Variants in MAGI2 observed in about 807,000 individuals in gnomAD.
MAGI2 encodes the protein membrane associated guanylate kinase, WW and PDZ domain containing 2.
In MAGI2, 35 loss-of-function variants were observed where a neutral mutation model predicts 133.3. That is an observed-to-expected ratio of 0.26 (90% CI 0.20 to 0.35). The LOEUF is 0.35. Among genes scored for constraint, MAGI2 ranks in the 10% least tolerant of loss-of-function variants. MAGI2 has a pLI of 1.00. For synonymous variants in MAGI2, 729 were observed against 710.6 expected (o/e 1.03, Z -0.41); for missense variants, 1,636 against 1,863.4 (o/e 0.88, Z 2.25).
At chr7:78,922,963 ATG>A (rs1264274113) in intron 2 of MAGI2, among the ~76,000 whole-genome samples, 1 of 151,848 alleles carries the variant, frequency 6.6e-6, no homozygotes, top group Non-Finnish European at 1.5e-5. Flanking sequence ...GCATTTTTTC[ATG>A]TGTCTTTTGG....
At chr7:78,497,809 C>A (rs545222590) in intron 5 of MAGI2, among the ~76,000 whole-genome samples, 1 of 138,464 alleles carries the variant, frequency 7.2e-6, no homozygotes, top group African/African-American at 2.6e-5. Flanking sequence ...TCCTTTGTTT[C>A]ACTTATTTTC....
intron 2 of MAGI2, among the ~76,000 whole-genome samples, chr7:78,780,059 T>C (rs374765480): frequency 6.6e-6 from 1 of 152,194 alleles, no homozygotes; most frequent in Non-Finnish European, 1.5e-5. Flanking sequence ...GCAAAACCAT[T>C]GCAGATAAAT....
intron 6 of MAGI2, among the ~76,000 whole-genome samples, chr7:78,424,506 G>C (rs1799102935): frequency 6.6e-6 from 1 of 152,060 alleles, no homozygotes; most frequent in Non-Finnish European, 1.5e-5. Flanking sequence ...AGTGAAAAAA[G>C]GGTCACCATC....
At chr7:79,164,581 C>A (rs1461105967) in intron 1 of MAGI2, among the ~76,000 whole-genome samples, 2 of 151,942 alleles carry the variant, frequency 1.3e-5, no homozygotes, top group Non-Finnish European at 2.9e-5. Flanking sequence ...TTCAATAGAA[C>A]CTTGGTCTCC....
At position 79,384,690 on chromosome 7, in the gene MAGI2, T is replaced by G. The variant is rs986287166; in HGVS notation, c.301+68330A>C. On this transcript the variant is annotated intron_variant, in intron 1 of 21. Transcript: ENST00000354212. ...CTTATATATATTAAATAGGTAAAAT[T>G]TTTTGCATGACAATCATCTCCATAA... Among the ~76,000 whole-genome samples, 23 of 151,734 alleles carry G rather than the reference T, an allele frequency of 1.5e-4. No homozygotes were observed. The Middle Eastern group carries it at 0.014, about 90-fold the overall frequency.
At chr7:78,528,103 G>A (rs1421628978) in intron 3 of MAGI2, among the ~76,000 whole-genome samples, 1 of 152,204 alleles carries the variant, frequency 6.6e-6, no homozygotes, top group Non-Finnish European at 1.5e-5. Context: ...CTCATCAATG[G>A]TATTCCCAGA....
intron 1 of MAGI2, among the ~76,000 whole-genome samples, chr7:79,118,297 T>C (rs1819582181): frequency 6.6e-6 from 1 of 152,134 alleles, no homozygotes; most frequent in Non-Finnish European, 1.5e-5. Context: ...ATCTTCCTTG[T>C]AAATGGAGCA....
At chr7:78,729,348 T>C (rs991940210) in intron 2 of MAGI2, among the ~76,000 whole-genome samples, 5 of 152,058 alleles carry the variant, frequency 3.3e-5, no homozygotes, top group African/African-American at 1.2e-4. Flanking sequence ...GGTTCTTAGG[T>C]GGGATCAAAG....
intron 3 of MAGI2, chr7:78,568,414 G>C (rs1801165796): frequency 6.6e-6 from 1 of 152,138 alleles, no homozygotes; most frequent in Non-Finnish European, 1.5e-5. Context: ...CAGAACATTT[G>C]ATTTTGCATT....
chr7:79,297,187 C>T (rs187072964), intron 1 of MAGI2, among the ~76,000 whole-genome samples: 9 of 152,266 alleles, frequency 5.9e-5, no homozygotes, highest in Admixed American at 3.9e-4. Context: ...ACAGTGTTTG[C>T]AATTTCCCAT....
At chr7:78,794,805 A>T (rs969421190) in intron 2 of MAGI2, among the ~76,000 whole-genome samples, 1 of 152,206 alleles carries the variant, frequency 6.6e-6, no homozygotes, top group African/African-American at 2.4e-5. Flanking sequence ...ATTGGAAATG[A>T]GGAGTTAACT....
At chr7:78,638,375 G>T (rs80319489) in intron 2 of MAGI2, among the ~76,000 whole-genome samples, 7,852 of 152,192 alleles carry the variant, frequency 0.052, 223 homozygotes, top group Middle Eastern at 0.071. Flanking sequence ...CAAAAGATTT[G>T]TACCCTAAAT....
At chr7:79,272,559 A>G (rs1212924794) in intron 1 of MAGI2, among the ~76,000 whole-genome samples, 1 of 152,068 alleles carries the variant, frequency 6.6e-6, no homozygotes, top group Non-Finnish European at 1.5e-5. Context: ...AGCAACTATG[A>G]TATTACTACT....
chr7:78,499,013 T>C (rs916844925), intron 5 of MAGI2, among the ~76,000 whole-genome samples: 2 of 151,748 alleles, frequency 1.3e-5, no homozygotes, highest in African/African-American at 4.8e-5. Context: ...TGTCCACCAG[T>C]CCTTCCCTCC....
At chr7:79,211,949 T>C (rs1210796149) in intron 1 of MAGI2, among the ~76,000 whole-genome samples, 2 of 152,020 alleles carry the variant, frequency 1.3e-5, no homozygotes, top group Non-Finnish European at 2.9e-5. Flanking sequence ...TAATAATACC[T>C]GTGCATTGCA....
intron 1 of MAGI2, among the ~76,000 whole-genome samples, chr7:79,308,466 T>A (rs1021475572): frequency 6.6e-6 from 1 of 152,166 alleles, no homozygotes; most frequent in East Asian, 1.9e-4. Context: ...CTTCCCTTCC[T>A]CCACATCAGT....
At chr7:79,274,095 T>A (rs1304914570) in intron 1 of MAGI2, among the ~76,000 whole-genome samples, 2 of 152,124 alleles carry the variant, frequency 1.3e-5, no homozygotes, top group African/African-American at 4.8e-5. Context: ...GGGCACTCAC[T>A]CAAATTTGAG....
At chr7:78,490,887 G>A (rs1441719969) in intron 5 of MAGI2, among the ~76,000 whole-genome samples, 1 of 152,062 alleles carries the variant, frequency 6.6e-6, no homozygotes, top group Non-Finnish European at 1.5e-5. Context: ...AGGCACAGGT[G>A]TGGGAAAGTG....
intron 21 of MAGI2, among the ~76,000 whole-genome samples, chr7:78,053,230 GT>G (rs1812202500): frequency 6.6e-6 from 1 of 152,218 alleles, no homozygotes; most frequent in South Asian, 2.1e-4. Context: ...CAGTAGGAAC[GT>G]TTTCAAAATT....
Sources: gnomAD v4.1 joint callset for allele counts (sites outside exome capture counted in the v4.1 genomes callset) on GRCh38, gnomAD v4.1.1 for gene constraint, MANE v1.5 for transcripts, NCBI Gene and HGNC (gene_info 2026-07-23, HGNC 2026-07-21) for gene names.